Variants in FBXL7 observed in about 807,000 individuals in gnomAD.
FBXL7 encodes the protein F-box and leucine rich repeat protein 7.
A neutral mutation model predicts 38.3 loss-of-function variants in FBXL7; 12 were observed. The observed-to-expected ratio is 0.31, with a 90% CI of 0.20 to 0.51. FBXL7 has a LOEUF of 0.51. Ranked by LOEUF, FBXL7 falls within the 20% of genes least tolerant of loss-of-function variation. The pLI, the probability that FBXL7 is intolerant of heterozygous loss-of-function variation, is 0.98. For synonymous variants in FBXL7, 297 were observed against 300.9 expected (o/e 0.99, Z 0.13); for missense variants, 567 against 676.4 (o/e 0.84, Z 1.79).
At chr5:15,861,404 A>G (rs1277934127) in intron 2 of FBXL7, among the ~76,000 whole-genome samples, 1 of 152,172 alleles carries the variant, frequency 6.6e-6, no homozygotes, top group Admixed American at 6.5e-5. Flanking sequence ...TCAGCCACCT[A>G]TGTGGTTGAA....
chr5:15,843,340 G>A (rs1004133364), intron 2 of FBXL7, among the ~76,000 whole-genome samples: 4 of 152,070 alleles, frequency 2.6e-5, no homozygotes, highest in Admixed American at 6.5e-5. Flanking sequence ...GCTTATTGGC[G>A]TGTAGTCTTT....
At chr5:15,906,036 A>G (rs1741350613) in intron 2 of FBXL7, among the ~76,000 whole-genome samples, 5 of 152,142 alleles carry the variant, frequency 3.3e-5, no homozygotes, top group Admixed American at 3.3e-4. Flanking sequence ...TGTTTATTTT[A>G]TGATTGAGTT....
At chr5:15,536,847 G>A (rs986182891) in intron 1 of FBXL7, among the ~76,000 whole-genome samples, 1 of 152,068 alleles carries the variant, frequency 6.6e-6, no homozygotes, top group Admixed American at 6.6e-5. Context: ...CAAGGGCAGA[G>A]TGATATGGTT....
chr5:15,864,728 A>T (rs552666734), intron 2 of FBXL7, among the ~76,000 whole-genome samples: 3 of 152,364 alleles, frequency 2.0e-5, no homozygotes, highest in African/African-American at 7.2e-5. Flanking sequence ...TTAATGCTGA[A>T]ATGTAGCCAA....
At position 15,933,740 on chromosome 5, in the gene FBXL7, C is replaced by T. The variant is rs571752130; in HGVS notation, c.740-2710C>T. Among the ~76,000 whole-genome samples the T allele has an allele frequency of 2.5e-4, 38 of 152,118 alleles. 1 individual carries two copies. In the South Asian group the frequency reaches 7.5e-3, roughly 30 times the overall value. On this transcript the variant is annotated intron_variant, in intron 3 of 3. Transcript: ENST00000504595. ...CCAGGGCCTGAGTGTCTAAGAGTTT[C>T]CTGGGCAGCCTACCAGGAGGTGGGA...
intron 2 of FBXL7, among the ~76,000 whole-genome samples, chr5:15,617,221 A>G (rs2402153): frequency 0.47 from 72,026 of 152,020 alleles, 17,727 homozygotes; most frequent in African/African-American, 0.61. Flanking sequence ...TATATTCTCC[A>G]TGCTTAAAAC....
At chr5:15,668,487 C>G (rs897767737) in intron 2 of FBXL7, among the ~76,000 whole-genome samples, 2 of 151,350 alleles carry the variant, frequency 1.3e-5, no homozygotes, top group Admixed American at 6.6e-5. Flanking sequence ...AAATTGTGTC[C>G]AGTGTTAATA....
intron 2 of FBXL7, among the ~76,000 whole-genome samples, chr5:15,784,921 A>C (rs1393510933): frequency 6.6e-6 from 1 of 152,196 alleles, no homozygotes; most frequent in African/African-American, 2.4e-5. Context: ...CACTAGCACA[A>C]GATTCTACGT....
chr5:15,938,624 C>T lies in FBXL7; in HGVS notation c.*1438C>T, dbSNP rs149868949. ...CTTCCAGGTGTTTAAATTCTGTTCA[C>T]TCAACAATGCCAGATGAATGGAAGA... On this transcript the variant is annotated 3_prime_UTR_variant, in exon 4 of 4. Transcript: ENST00000504595. 1.7e-3 allele frequency: 305 copies of T among 174,432 alleles called. 1 individual carries two copies. Among genetic ancestry groups the T allele is most frequent in the Non-Finnish European group, 2.8e-3 (235 of 83,110 alleles). 10.8% of individuals were successfully genotyped at this position (174,432 alleles called of 1,614,324 possible). A position where few individuals can be genotyped will look rare whatever the true frequency, so the allele number is the denominator to read the frequency against.
At chr5:15,821,778 C>A (rs1451006966) in intron 2 of FBXL7, among the ~76,000 whole-genome samples, 1 of 152,184 alleles carries the variant, frequency 6.6e-6, no homozygotes, top group African/African-American at 2.4e-5. Flanking sequence ...GCTCTACTTC[C>A]TCTCAAAGGA....
intron 2 of FBXL7, among the ~76,000 whole-genome samples, chr5:15,680,779 G>A (rs1476957021): frequency 6.6e-6 from 1 of 152,124 alleles, no homozygotes; most frequent in Non-Finnish European, 1.5e-5. Flanking sequence ...TTTATTTGTT[G>A]CTCATTAGCT....
intron 2 of FBXL7, among the ~76,000 whole-genome samples, chr5:15,760,742 T>A (rs1736419669): frequency 6.6e-6 from 1 of 152,134 alleles, no homozygotes; most frequent in African/African-American, 2.4e-5. Flanking sequence ...GCAAAAATTG[T>A]CTCTGTTGAG....
chr5:15,836,428 G>A (rs186368201), intron 2 of FBXL7, among the ~76,000 whole-genome samples: 33 of 152,274 alleles, frequency 2.2e-4, no homozygotes, highest in Non-Finnish European at 4.4e-4. Context: ...AGAGAGATTG[G>A]GAAGATCAGG....
At chr5:15,515,697 G>A (rs1736916052) in intron 1 of FBXL7, among the ~76,000 whole-genome samples, 1 of 152,074 alleles carries the variant, frequency 6.6e-6, no homozygotes, top group Admixed American at 6.6e-5. Flanking sequence ...TAAGAGTATT[G>A]GGGAATATGC....
At chr5:15,812,614 G>A (rs895580485) in intron 2 of FBXL7, among the ~76,000 whole-genome samples, 1 of 152,064 alleles carries the variant, frequency 6.6e-6, no homozygotes, top group Non-Finnish European at 1.5e-5. Flanking sequence ...GGCTATCCGG[G>A]GTCTTTTTTG....
chr5:15,741,372 C>T (rs188697187), intron 2 of FBXL7, among the ~76,000 whole-genome samples: 175 of 152,210 alleles, frequency 1.1e-3, no homozygotes, highest in East Asian at 8.3e-3. Context: ...TACATGTGAG[C>T]GTTTGTGTAT....
intron 1 of FBXL7, among the ~76,000 whole-genome samples, chr5:15,601,402 C>T (rs1453019156): frequency 6.6e-6 from 1 of 152,168 alleles, no homozygotes; most frequent in Non-Finnish European, 1.5e-5. Flanking sequence ...CTCTGATCTT[C>T]TCATTACTCT....
rs553557935 is a variant in FBXL7 at position 15,634,484 on chromosome 5, G to A, written c.127+18412G>A. ...TTACAGGTGCCCACCACCATGCCTG[G>A]CTAATTTTTGTATTTTTAGTTGGGG... On this transcript the variant is annotated intron_variant, in intron 2 of 3. Coordinates refer to ENST00000504595, the MANE Select transcript of FBXL7 (RefSeq NM_012304.5). Among the ~76,000 whole-genome samples, 3 of 144,026 alleles carry A rather than the reference G, an allele frequency of 2.1e-5. No homozygotes were observed. The South Asian group carries it at 6.8e-4, about 33-fold the overall frequency. 94.5% of individuals were successfully genotyped at this position (144,026 alleles called of 152,430 possible).
intron 3 of FBXL7, among the ~76,000 whole-genome samples, chr5:15,929,281 C>G (rs1397616330): frequency 1.3e-5 from 2 of 152,206 alleles, no homozygotes; most frequent in Non-Finnish European, 2.9e-5. Context: ...CTCAATTACA[C>G]AGTGCAAGGG....
Sources: allele counts gnomAD v4.1 joint callset (sites outside exome capture counted in the v4.1 genomes callset), GRCh38; gene constraint gnomAD v4.1.1; transcripts MANE v1.5; gene names NCBI Gene and HGNC (gene_info 2026-07-23, HGNC 2026-07-21).